Variants in DLGAP2 observed in about 807,000 individuals in gnomAD.
DLGAP2 encodes disks large-associated protein 2.
DLGAP2 carries 26 observed loss-of-function variants against 100.3 expected under a neutral mutation model. That is an observed-to-expected ratio of 0.26 (90% confidence interval 0.19 to 0.36). The LOEUF is 0.36. DLGAP2 is among the 10% of genes least tolerant of loss of function. The pLI, the probability that DLGAP2 is intolerant of heterozygous loss-of-function variation, is 1.00. For synonymous variants in DLGAP2, 886 were observed against 630.1 expected, an observed-to-expected ratio of 1.41 and a Z score of -6.08; for missense variants, 1,858 against 1,453.2, an observed-to-expected ratio of 1.28 and a Z score of -4.53.
intron 9 of DLGAP2, 131 bp downstream of exon 9, chr8:1,668,809 T>G: frequency 2.2e-6 from 2 of 895,744 alleles, no homozygotes; most frequent in Non-Finnish European, 3.3e-6. Context: ...CTGTGGAATC[T>G]GAGAGCAGGG....
At chr8:1,498,977 G>C in intron 3 of DLGAP2, among the ~76,000 whole-genome samples, 1 of 152,164 alleles carries the variant, frequency 6.6e-6, no homozygotes, top group East Asian at 1.9e-4. Context: ...AACTTTGAAC[G>C]GTGTCACCTG....
intron 3 of DLGAP2, among the ~76,000 whole-genome samples, chr8:1,416,240 C>T (rs528588969): frequency 1.3e-5 from 2 of 152,200 alleles, no homozygotes; most frequent in African/African-American, 4.8e-5. Context: ...TTCCAGCGTC[C>T]ATACAGAGTG....
intron 3 of DLGAP2, among the ~76,000 whole-genome samples, chr8:1,477,089 C>A (rs13268661): frequency 6.6e-6 from 1 of 152,238 alleles, no homozygotes; most frequent in African/African-American, 2.4e-5. Flanking sequence ...ACGTCACTGC[C>A]GCAGGCACTG....
chr8:893,720 G>T (rs544255176), intron 1 of DLGAP2, among the ~76,000 whole-genome samples: 1 of 152,236 alleles, frequency 6.6e-6, no homozygotes, highest in Non-Finnish European at 1.5e-5. Context: ...TCTGTTAACC[G>T]TCGTTCTTTT....
intron 1 of DLGAP2, among the ~76,000 whole-genome samples, chr8:746,373 G>C (rs557834195): frequency 3.3e-5 from 5 of 152,240 alleles, no homozygotes; most frequent in Non-Finnish European, 7.3e-5. Context: ...TTGTCTGCAG[G>C]CTGCGGATGA....
At chr8:1,552,782 C>T (rs1176633353) in intron 5 of DLGAP2, among the ~76,000 whole-genome samples, 1 of 152,222 alleles carries the variant, frequency 6.6e-6, no homozygotes, top group Admixed American at 6.5e-5. Context: ...TTTTCATTTT[C>T]ACCCTTGGTT....
chr8:1,151,541 C>A (rs1046833303), intron 2 of DLGAP2, among the ~76,000 whole-genome samples: 1 of 152,132 alleles, frequency 6.6e-6, no homozygotes, highest in Non-Finnish European at 1.5e-5. Context: ...TGCAGGCTTT[C>A]CGTCTCTGAC....
intron 4 of DLGAP2, among the ~76,000 whole-genome samples, chr8:1,523,600 C>T (rs1800686562): frequency 6.6e-6 from 1 of 152,226 alleles, no homozygotes; most frequent in South Asian, 2.1e-4. Context: ...GCTGCTCCCA[C>T]ATCTGGGGGC....
intron 1 of DLGAP2, among the ~76,000 whole-genome samples, chr8:901,872 G>A (rs1158352407): frequency 6.6e-6 from 1 of 152,238 alleles, no homozygotes; most frequent in African/African-American, 2.4e-5. Flanking sequence ...TTTGCAGGCT[G>A]GGCATGAGAT....
chr8:1,172,930 G>T (rs550782277), intron 2 of DLGAP2, among the ~76,000 whole-genome samples: 3 of 152,206 alleles, frequency 2.0e-5, no homozygotes, highest in African/African-American at 7.2e-5. Context: ...GTGAGGAACT[G>T]TGATGCTTTG....
chr8:1,052,538 G>T (rs1010477488), intron 2 of DLGAP2, among the ~76,000 whole-genome samples: 2 of 152,198 alleles, frequency 1.3e-5, no homozygotes, highest in Non-Finnish European at 2.9e-5. Context: ...TGTGTAGGAG[G>T]AATCCTTTGA....
intron 8 of DLGAP2, among the ~76,000 whole-genome samples, chr8:1,664,233 G>A (rs370577994): frequency 1.3e-5 from 2 of 152,078 alleles, no homozygotes; most frequent in Non-Finnish European, 1.5e-5. Context: ...TGGTGGCATC[G>A]GTGCGTCTAC....
intron 4 of DLGAP2, among the ~76,000 whole-genome samples, chr8:1,518,229 C>A (rs1037922511): frequency 6.6e-6 from 1 of 152,198 alleles, no homozygotes; most frequent in South Asian, 2.1e-4. Flanking sequence ...TCAGCCCTAA[C>A]TGGAATGGCG....
intron 2 of DLGAP2, among the ~76,000 whole-genome samples, chr8:951,706 C>A (rs1282174566): frequency 6.6e-6 from 1 of 152,192 alleles, no homozygotes; most frequent in East Asian, 1.9e-4. Flanking sequence ...GTGCTCCTTG[C>A]AGGCATTAGA....
In DLGAP2 at chr8:1,440,329, G is replaced by A. The variant is rs61050555; in HGVS notation, c.107-61037G>A. ...ATTTAACATTAAAATGGACTCACGT[G>A]GGAAATGGAGTCAATATTTTATACA... On this transcript the variant is annotated intron_variant, in intron 3 of 14. Transcript: ENST00000637795. Among the ~76,000 whole-genome samples, 421 of 152,302 alleles carry A rather than the reference G, an allele frequency of 2.8e-3. 5 individuals carry two copies. The highest frequency in any genetic ancestry group is 9.8e-3 in the African/African-American group (408 of 41,556).
intron 3 of DLGAP2, among the ~76,000 whole-genome samples, chr8:1,391,702 C>G (rs1243993169): frequency 6.6e-6 from 1 of 152,192 alleles, no homozygotes; most frequent in African/African-American, 2.4e-5. Flanking sequence ...GTTTTCTGTT[C>G]TTGATTTCAC....
At chr8:839,977 C>G (rs1234229074) in intron 1 of DLGAP2, among the ~76,000 whole-genome samples, 1 of 151,072 alleles carries the variant, frequency 6.6e-6, no homozygotes, top group Non-Finnish European at 1.5e-5. Flanking sequence ...ATTGTGTGAG[C>G]GCGTCCACAC....
chr8:823,873 G>T (rs574582509), intron 1 of DLGAP2, among the ~76,000 whole-genome samples: 1 of 152,132 alleles, frequency 6.6e-6, no homozygotes, highest in African/African-American at 2.4e-5. Flanking sequence ...CTGTCCTCTC[G>T]TTCTCTTGTT....
At chr8:887,452 A>T (rs924659135) in intron 1 of DLGAP2, among the ~76,000 whole-genome samples, 6 of 152,198 alleles carry the variant, frequency 3.9e-5, no homozygotes, top group African/African-American at 1.4e-4. Flanking sequence ...TAGTTGATGC[A>T]GATTCTTCAT....
Sources: allele counts gnomAD v4.1 joint callset (sites outside exome capture counted in the v4.1 genomes callset), GRCh38; gene constraint gnomAD v4.1.1; transcripts MANE v1.5; gene names NCBI Gene and HGNC (gene_info 2026-07-23, HGNC 2026-07-21).